The following MATR3 variants were observed in gnomAD, a reference collection of about 807,000 sequenced individuals.
MATR3 encodes matrin-3.
Under a neutral mutation model 85.5 loss-of-function variants are expected in MATR3, and 4 were observed. The ratio of observed to expected loss-of-function variants is 0.05; its 90% confidence interval spans 0.02 to 0.11. The LOEUF (loss-of-function observed/expected upper bound fraction) is 0.11, where lower values mean the gene tolerates loss of function less well. Ranked by LOEUF, MATR3 falls within the 10% of genes least tolerant of loss-of-function variation. MATR3 has a pLI of 1.00. For synonymous variants in MATR3, 336 were observed against 343.1 expected (o/e 0.98, Z 0.23); for missense variants, 685 against 1,016.1 (o/e 0.67, Z 4.43).
chr5:139,298,378 C>T (rs1052465091), intron 1 of MATR3, among the ~76,000 whole-genome samples: 3 of 152,120 alleles, frequency 2.0e-5, no homozygotes, highest in Non-Finnish European at 4.4e-5. Flanking sequence ...CGAGACCAAC[C>T]TGGGCAACAT....
At chr5:139,299,623 C>T (rs1754336893) in intron 1 of MATR3, among the ~76,000 whole-genome samples, 1 of 152,152 alleles carries the variant, frequency 6.6e-6, no homozygotes, top group Non-Finnish European at 1.5e-5. Context: ...CAAGATTGTG[C>T]CACTGCACTG....
At chr5:139,306,524 G>GT (rs1287386888) in intron 1 of MATR3, among the ~76,000 whole-genome samples, 2 of 152,094 alleles carry the variant, frequency 1.3e-5, no homozygotes, top group African/African-American at 4.8e-5. Flanking sequence ...ACCAGAGTTA[G>GT]TTCTCCTTAC....
intron 2 of MATR3, chr5:139,311,732 G>T (rs374861880): frequency 8.1e-5 from 10 of 123,634 alleles, no homozygotes; most frequent in African/African-American, 3.5e-4. Flanking sequence ...TCGTTAATTG[G>T]TATTTGTTTA....
intron 1 of MATR3, among the ~76,000 whole-genome samples, chr5:139,298,845 G>C (rs1754294743): frequency 6.6e-6 from 1 of 152,084 alleles, no homozygotes; most frequent in Admixed American, 6.5e-5. Context: ...GCAAGAAATT[G>C]AAAACAACTT....
chr5:139,294,151 G>T lies in MATR3; in HGVS notation c.-178+346G>T, dbSNP rs1259869116. ...CGCGTCCTGGGCTCGTTGTGGGCGGGGGCGGGACGACTAGCCCGTTACACG... is the reference window on the plus strand; with the variant it reads ...CGCGTCCTGGGCTCGTTGTGGGCGGTGGCGGGACGACTAGCCCGTTACACG... On this transcript the variant is annotated intron_variant, in intron 1 of 14. Transcript: ENST00000394805. 5 of 1,010,302 alleles carry T rather than the reference G, an allele frequency of 4.9e-6. No homozygotes were observed. In the African/African-American group the frequency reaches 8.4e-5, roughly 17 times the overall value. 62.6% of individuals were successfully genotyped at this position (1,010,302 alleles called of 1,614,324 possible).
In MATR3 at chr5:139,307,911, A is replaced by G; in HGVS notation, c.496A>G (p.Thr166Ala). The part of the protein sequence containing the change: ...LSYGRDGRSA[T>A]REPPYRVPRD... Reference sequence around the variant, plus strand: ...TTATGGTAGAGATGGCAGATCTGCTACACGGGAGCCACCATACAGAGTACC... The same window carrying G: ...TTATGGTAGAGATGGCAGATCTGCTGCACGGGAGCCACCATACAGAGTACC... Residue 166 changes from threonine (T) to alanine (A), a missense_variant, in exon 2 of 15, where the codon ACA becomes GCA. Physicochemically the swap from Thr to Ala is moderately conservative, Grantham distance 58. This residue lies in a region of MATR3 where 223 missense variants were observed against 334.4 expected (regional missense o/e 0.67). Transcript: ENST00000394805. The surrounding 1 kb of genome is among the most constrained non-coding windows in gnomAD (Gnocchi z 4.4). 6.2e-7 allele frequency: 1 copy of G among 1,614,138 alleles called. No homozygotes were observed. Among genetic ancestry groups the G allele is most frequent in the East Asian group, 2.2e-5 (1 of 44,882 alleles).
intron 2 of MATR3, among the ~76,000 whole-genome samples, chr5:139,309,860 C>T (rs570140790): frequency 2.0e-5 from 3 of 152,042 alleles, no homozygotes; most frequent in Non-Finnish European, 2.9e-5. Context: ...ATTTTTTCTG[C>T]GTTATTTCTT....
chr5:139,291,420 G>A (rs943575097), upstream of MATR3, among the ~76,000 whole-genome samples: 11 of 152,218 alleles, frequency 7.2e-5, no homozygotes, highest in Admixed American at 6.5e-5. Flanking sequence ...GACACAGTAG[G>A]TACTCAAGAA....
intron 11 of MATR3, 22 bp from the exon 12 acceptor site, chr5:139,322,576 T>TG: frequency 2.5e-6 from 4 of 1,584,076 alleles, no homozygotes; most frequent in Non-Finnish European, 3.5e-6. Flanking sequence ...AAATTAATTG[T>TG]GGTGTGTCCT....
rs946991692 is a variant in MATR3, at chr5:139,321,819, T to C, written c.1603-79T>C. ...AAAGTAATGAAAATTTTCTAACCAG[T>C]AGGTAGAATACATAATAAGGTTTTA... is the stretch of plus-strand genomic sequence containing the variant. On this transcript the variant is annotated intron_variant, in intron 9 of 14. Coordinates refer to ENST00000394805, the MANE Select transcript of MATR3 (RefSeq NM_018834.6). The C allele has an allele frequency of 9.8e-6, 14 of 1,429,298 alleles. No homozygotes were observed. In the African/African-American group the frequency reaches 2.0e-4, roughly 21 times the overall value. 88.5% of individuals were successfully genotyped at this position (1,429,298 alleles called of 1,614,324 possible). A position where few individuals can be genotyped will look rare whatever the true frequency, so the allele number is the denominator to read the frequency against.
intron 1 of MATR3, among the ~76,000 whole-genome samples, chr5:139,296,632 AAGT>A (rs1460050434): frequency 5.9e-5 from 9 of 152,226 alleles, no homozygotes; most frequent in Non-Finnish European, 1.2e-4. Context: ...AAGTGACAGA[AAGT>A]AGTGCTTGTG....
chr5:139,294,071 A>G, intron 1 of MATR3: 2 of 1,260,324 alleles, frequency 1.6e-6, no homozygotes, highest in Non-Finnish European at 2.0e-6. Flanking sequence ...CCAAGGGCCC[A>G]GGGTGCGGCG....
intron 1 of MATR3, among the ~76,000 whole-genome samples, chr5:139,275,224 C>G (rs1050639206): frequency 2.9e-5 from 4 of 135,968 alleles, no homozygotes; most frequent in Non-Finnish European, 1.5e-5. Flanking sequence ...GTCTCGATCT[C>G]CTGAACTCGT....
At chr5:139,326,421 A>G in intron 14 of MATR3, 137 bp downstream of exon 14, 2 of 704,404 alleles carry the variant, frequency 2.8e-6, no homozygotes, top group Non-Finnish European at 2.1e-6. Flanking sequence ...CTTTTTATTT[A>G]CTTTTTTTTT....
intron 1 of MATR3, among the ~76,000 whole-genome samples, chr5:139,274,795 C>T (rs892370446): frequency 1.3e-5 from 2 of 151,618 alleles, no homozygotes; most frequent in Admixed American, 6.6e-5. Flanking sequence ...CTTAGCTGGG[C>T]GTGGTGTCGC....
chr5:139,298,350 C>A (rs866408777), intron 1 of MATR3, among the ~76,000 whole-genome samples: 33 of 152,154 alleles, frequency 2.2e-4, no homozygotes, highest in African/African-American at 3.1e-4. Flanking sequence ...GTGGGCAGAT[C>A]ACTTCAGGCC....
chr5:139,307,153 T>C lies in MATR3; in HGVS notation c.-177-86T>C. 1.1e-6 allele frequency: 1 copy of C among 948,036 alleles called. No individual in the cohort carries two copies. 58.7% of individuals were successfully genotyped at this position (948,036 alleles called of 1,614,324 possible). ...AGATCTTAAATGTTTTTTTTTTAAA[T>C]CAACATGATGCATAAGTTTTTTTTT... is the stretch of plus-strand genomic sequence containing the variant. On this transcript the variant is annotated intron_variant, in intron 1 of 14. Transcript: ENST00000394805. This position sits in a 1 kb window ranked among gnomAD's most constrained non-coding sequence, Gnocchi z 4.4.
chr5:139,311,183 T>G (rs1179766077), intron 2 of MATR3: 1 of 152,226 alleles, frequency 6.6e-6, no homozygotes, highest in Non-Finnish European at 1.5e-5. Flanking sequence ...TTGGCTGTCT[T>G]GTCACTTGAG....
Position 139,308,312 on chromosome 5 carries a change from A to C in MATR3, c.897A>C (p.Pro299=), listed in dbSNP as rs767233367. 6 of 1,614,036 alleles carry C rather than the reference A, an allele frequency of 3.7e-6. No homozygotes were observed. Among genetic ancestry groups the C allele is most frequent in the South Asian group, 1.1e-5 (1 of 91,090 alleles). The change falls in exon 2 of 15, where the codon CCA becomes CCC. Residue 299 remains proline (P), a synonymous_variant. Coordinates refer to ENST00000394805, the MANE Select transcript of MATR3 (RefSeq NM_018834.6). ...ATCTGTGCTCTATATGTGATTTGCC[A>C]GTTCATTCTAATAAGGTGAGTTAAC... ...YPHLCSICDL[P]VHSNKEWSQH...
Sources: allele counts gnomAD v4.1 joint callset (sites outside exome capture counted in the v4.1 genomes callset), GRCh38; gene constraint gnomAD v4.1.1; regional missense constraint gnomAD v4.1.1; non-coding constraint Gnocchi (gnomAD v3.1); transcripts MANE v1.5; gene names NCBI Gene and HGNC (gene_info 2026-07-23, HGNC 2026-07-21).